Variants in GPBP1 observed in about 807,000 individuals in gnomAD.
GPBP1 encodes vasculin.
GPBP1 carries 13 observed loss-of-function variants against 56.5 expected under a neutral mutation model. The observed-to-expected ratio is 0.23, with a 90% CI of 0.15 to 0.37. The LOEUF is 0.37. GPBP1 is among the 10% of genes least tolerant of loss of function. The pLI, the probability that GPBP1 is intolerant of heterozygous loss-of-function variation, is 1.00. For missense variants in GPBP1, 477 were observed against 572.3 expected (o/e 0.83, Z 1.70); for synonymous variants, 204 against 188.9 (o/e 1.08, Z -0.66).
In GPBP1 at chr5:57,234,682, A is replaced by G. The variant is rs1756593184; in HGVS notation, c.412-1284A>G. 2.0e-5 allele frequency among the ~76,000 whole-genome samples: 3 copies of G among 152,216 alleles called. 1 individual carries two copies. In the South Asian group the frequency reaches 6.2e-4, roughly 32 times the overall value. The stretch of plus-strand genomic sequence containing the variant: ...AGTCAGATGTGCAGCAGAAAAGGAA[A>G]TCCAAGAGCTTTCACGTGTGAGATG... On this transcript the variant is annotated intron_variant, in intron 5 of 11. Coordinates refer to ENST00000506184, the MANE Select transcript of GPBP1 (RefSeq NM_022913.4).
At chr5:57,211,525 A>G (rs1755475373) in intron 2 of GPBP1, among the ~76,000 whole-genome samples, 1 of 151,902 alleles carries the variant, frequency 6.6e-6, no homozygotes, top group Non-Finnish European at 1.5e-5. Flanking sequence ...AAGTTAATAT[A>G]AAGACATTGC....
chr5:57,176,897 C>A (rs190000760), intron 2 of GPBP1, among the ~76,000 whole-genome samples: 5 of 152,234 alleles, frequency 3.3e-5, no homozygotes, highest in Admixed American at 3.3e-4. Context: ...GGTAGTAGTT[C>A]TTAATGTATT....
intron 8 of GPBP1, among the ~76,000 whole-genome samples, 178 bp downstream of exon 8, chr5:57,247,393 A>G (rs1414848318): frequency 6.6e-6 from 1 of 152,216 alleles, no homozygotes; most frequent in South Asian, 2.1e-4. Flanking sequence ...AGTAGGAATC[A>G]TTTAAAATAT....
chr5:57,203,875 T>C (rs1012443905), intron 2 of GPBP1, among the ~76,000 whole-genome samples: 2 of 152,214 alleles, frequency 1.3e-5, no homozygotes, highest in African/African-American at 2.4e-5. Flanking sequence ...CATTGGATAC[T>C]TCTTTCTGGA....
chr5:57,217,952 GA>G (rs1755770504), intron 3 of GPBP1, among the ~76,000 whole-genome samples: 1 of 151,894 alleles, frequency 6.6e-6, no homozygotes, highest in Non-Finnish European at 1.5e-5. Context: ...TTTCACTTAT[GA>G]AATTTTTTAT....
intron 3 of GPBP1, among the ~76,000 whole-genome samples, chr5:57,216,453 G>A (rs1021529141): frequency 2.6e-5 from 4 of 152,154 alleles, no homozygotes; most frequent in African/African-American, 9.7e-5. Flanking sequence ...CGGGCGTGGT[G>A]GCTCACACCT....
intron 5 of GPBP1, among the ~76,000 whole-genome samples, 171 bp from the exon 6 acceptor site, chr5:57,235,795 C>T (rs568355582): frequency 1.3e-5 from 2 of 152,160 alleles, no homozygotes; most frequent in Non-Finnish European, 2.9e-5. Context: ...CAGAGCGTGA[C>T]ACTGGCACTC....
intron 2 of GPBP1, among the ~76,000 whole-genome samples, chr5:57,198,181 A>G (rs1380137231): frequency 1.3e-5 from 2 of 152,052 alleles, no homozygotes; most frequent in African/African-American, 2.4e-5. Flanking sequence ...GTCCTAAATC[A>G]TTTCAGCATT....
intron 10 of GPBP1, among the ~76,000 whole-genome samples, chr5:57,258,347 A>G (rs756164786): frequency 3.3e-5 from 5 of 152,088 alleles, no homozygotes; most frequent in Non-Finnish European, 7.4e-5. Flanking sequence ...ACTTACACAA[A>G]CTAGATAGTA....
intron 10 of GPBP1, among the ~76,000 whole-genome samples, chr5:57,254,530 A>C (rs1313676917): frequency 6.6e-6 from 1 of 152,072 alleles, no homozygotes; most frequent in Non-Finnish European, 1.5e-5. Context: ...CCCTGTCTCT[A>C]CTGAAAATAC....
intron 2 of GPBP1, among the ~76,000 whole-genome samples, chr5:57,202,883 T>C (rs1580000253): frequency 6.6e-6 from 1 of 152,238 alleles, no homozygotes; most frequent in Non-Finnish European, 1.5e-5. Flanking sequence ...TCATACTGTT[T>C]GCAATATATT....
At chr5:57,239,844 A>AT (rs1002652358) in intron 6 of GPBP1, among the ~76,000 whole-genome samples, 39 of 152,086 alleles carry the variant, frequency 2.6e-4, no homozygotes, top group East Asian at 7.7e-4. Flanking sequence ...GATCTTAAAC[A>AT]TTTTTTTTGG....
intron 2 of GPBP1, among the ~76,000 whole-genome samples, chr5:57,188,400 A>G (rs1754381735): frequency 6.6e-6 from 1 of 152,128 alleles, no homozygotes; most frequent in African/African-American, 2.4e-5. Context: ...CCAGGCTTAT[A>G]GCTTAACTGC....
chr5:57,219,375 C>CAAAAAAAAAAA (rs869152603), intron 3 of GPBP1, among the ~76,000 whole-genome samples: 4 of 35,318 alleles, frequency 1.1e-4, no homozygotes, highest in Admixed American at 4.5e-4. Context: ...GACTCTGTCT[C>CAAAAAAAAAAA]AAAAAAAAAA....
At position 57,256,316 on chromosome 5, in the gene GPBP1, GA is replaced by G. The variant is rs558883620; in HGVS notation, c.1161-4855del. On this transcript the variant is annotated intron_variant, in intron 10 of 11. Transcript: ENST00000506184. ...TTGGAGTAAGCTCTAGAGGGAGGGG[GA>G]AAAAAAAACACCCCATACTGCATGA... is the stretch of plus-strand genomic sequence containing the variant. Among the ~76,000 whole-genome samples the G allele has an allele frequency of 2.6e-3, 389 of 149,190 alleles. 2 individuals carry two copies. Among genetic ancestry groups the G allele is most frequent in the Middle Eastern group, 6.8e-3 (2 of 292 alleles).
At chr5:57,221,557 G>A (rs1004562225) in intron 3 of GPBP1, among the ~76,000 whole-genome samples, 2 of 152,132 alleles carry the variant, frequency 1.3e-5, no homozygotes, top group Non-Finnish European at 2.9e-5. Context: ...GGTATTAAAA[G>A]GGTAGATGAA....
chr5:57,221,791 G>C (rs572613857), intron 3 of GPBP1, among the ~76,000 whole-genome samples: 4 of 152,272 alleles, frequency 2.6e-5, no homozygotes, highest in African/African-American at 9.6e-5. Flanking sequence ...AGCTTGCGAT[G>C]AAAATGTAGG....
chr5:57,237,522 A>G (rs1013327518), intron 6 of GPBP1: 2 of 230,932 alleles, frequency 8.7e-6, no homozygotes, highest in Admixed American at 9.9e-5. Context: ...TTCAAAAGGA[A>G]GATGTACTCT....
chr5:57,192,140 A>C (rs1194495516), intron 2 of GPBP1, among the ~76,000 whole-genome samples: 1 of 152,330 alleles, frequency 6.6e-6, no homozygotes, highest in East Asian at 1.9e-4. Flanking sequence ...GTTTCAGGTG[A>C]GTATCCTCAG....
Sources: gnomAD v4.1 joint callset for allele counts (sites outside exome capture counted in the v4.1 genomes callset) on GRCh38, gnomAD v4.1.1 for gene constraint, MANE v1.5 for transcripts, NCBI Gene and HGNC (gene_info 2026-07-23, HGNC 2026-07-21) for gene names.